The following TBC1D5 variants were observed in gnomAD, a reference collection of about 807,000 sequenced individuals.
TBC1D5 encodes TBC1 domain family, member 5.
Under a neutral mutation model 100.3 loss-of-function variants are expected in TBC1D5, and 75 were observed. That is an observed-to-expected ratio of 0.75 (90% CI 0.62 to 0.91). The LOEUF is 0.91. Among genes scored for constraint, TBC1D5 ranks in the 40% least tolerant of loss-of-function variants. TBC1D5 has a pLI of 0.00. For missense variants in TBC1D5, 910 were observed against 942.4 expected, an observed-to-expected ratio of 0.97 and a Z score of 0.45; for synonymous variants, 323 against 325.6, an observed-to-expected ratio of 0.99 and a Z score of 0.09.
intron 2 of TBC1D5, among the ~76,000 whole-genome samples, chr3:17,617,291 C>A (rs1283771503): frequency 6.6e-6 from 1 of 152,200 alleles, no homozygotes. Flanking sequence ...GGTAACTCGA[C>A]CTTTCTGTCT....
intron 3 of TBC1D5, among the ~76,000 whole-genome samples, chr3:17,491,667 T>C (rs956312137): frequency 6.6e-6 from 1 of 152,174 alleles, no homozygotes. Flanking sequence ...GACTTGATAA[T>C]GGTGGATAAA....
chr3:17,226,540 C>G (rs1017094858), intron 17 of TBC1D5, among the ~76,000 whole-genome samples: 1 of 152,046 alleles, frequency 6.6e-6, no homozygotes, highest in Non-Finnish European at 1.5e-5. Context: ...AGCTTCCTTG[C>G]CCAAGGTCAT....
chr3:17,602,125 C>G (rs547243357), intron 2 of TBC1D5, among the ~76,000 whole-genome samples: 39 of 152,314 alleles, frequency 2.6e-4, no homozygotes, highest in African/African-American at 8.7e-4. Context: ...GCCATTGCGC[C>G]CGGCCAATAA....
At chr3:17,300,766 A>G (rs1379235054) in intron 14 of TBC1D5, among the ~76,000 whole-genome samples, 1 of 152,162 alleles carries the variant, frequency 6.6e-6, no homozygotes, top group East Asian at 1.9e-4. Flanking sequence ...TATTTGAGAA[A>G]TACTTTCTTT....
chr3:17,612,777 A>C (rs2061780995), intron 2 of TBC1D5, among the ~76,000 whole-genome samples: 1 of 152,142 alleles, frequency 6.6e-6, no homozygotes, highest in Non-Finnish European at 1.5e-5. Context: ...CTCAATAAAC[A>C]AAAGAATTCA....
intron 1 of TBC1D5, among the ~76,000 whole-genome samples, chr3:17,665,952 GAA>G (rs1424116587): frequency 6.6e-6 from 1 of 152,082 alleles, no homozygotes; most frequent in African/African-American, 2.4e-5. Context: ...TTTCCAACTA[GAA>G]AAGTTTCCAA....
At chr3:17,556,715 T>C (rs2096524528) in intron 2 of TBC1D5, among the ~76,000 whole-genome samples, 1 of 152,230 alleles carries the variant, frequency 6.6e-6, no homozygotes, top group African/African-American at 2.4e-5. Context: ...AATATAATTA[T>C]TTTTATTAAC....
chr3:17,384,315 T>C (rs567466839), intron 8 of TBC1D5, among the ~76,000 whole-genome samples: 4 of 152,214 alleles, frequency 2.6e-5, no homozygotes, highest in African/African-American at 9.6e-5. Context: ...TGTCTGCAGA[T>C]GGGGAGTTGC....
rs185793980 is a variant in TBC1D5, at chr3:17,639,776, G to A, written c.-100-15863C>T. Among the ~76,000 whole-genome samples, 4 of 152,156 alleles carry A rather than the reference G, an allele frequency of 2.6e-5. No homozygotes were observed. The East Asian group carries it at 7.7e-4, about 29-fold the overall frequency. On this transcript the variant is annotated intron_variant, in intron 1 of 21. Transcript: ENST00000253692. ...TCTTAGACTACATCAAATCCTAGAC[G>A]TGAAGGAAAAACAGGTACAGAACTT...
chr3:17,454,932 GACAACA>G (rs371296696), intron 3 of TBC1D5, among the ~76,000 whole-genome samples: 14 of 151,578 alleles, frequency 9.2e-5, no homozygotes, highest in East Asian at 1.9e-4. Context: ...AACTGAAGAG[GACAACA>G]ACAACAACAA....
intron 1 of TBC1D5, among the ~76,000 whole-genome samples, chr3:17,688,093 A>G (rs2070574647): frequency 6.6e-6 from 1 of 152,206 alleles, no homozygotes; most frequent in Admixed American, 6.5e-5. Flanking sequence ...ATCGAATGCT[A>G]TGATTTCACT....
At chr3:17,680,705 T>A (rs1201603146) in intron 1 of TBC1D5, among the ~76,000 whole-genome samples, 1 of 151,444 alleles carries the variant, frequency 6.6e-6, no homozygotes. Context: ...ATATCAGTAC[T>A]AAGATGGTCA....
chr3:17,489,552 A>T (rs1275061443), intron 3 of TBC1D5, among the ~76,000 whole-genome samples: 2 of 152,096 alleles, frequency 1.3e-5, no homozygotes, highest in African/African-American at 4.8e-5. Context: ...CTCATTGTTC[A>T]ACTCCCACTG....
intron 17 of TBC1D5, among the ~76,000 whole-genome samples, chr3:17,221,203 A>AT (rs35417636): frequency 0.47 from 71,290 of 151,846 alleles, 18,067 homozygotes; most frequent in African/African-American, 0.62. Flanking sequence ...TGCAGGTGTG[A>AT]TAAGGTTAAG....
intron 2 of TBC1D5, among the ~76,000 whole-genome samples, chr3:17,566,579 A>C (rs1169406363): frequency 6.6e-6 from 1 of 151,936 alleles, no homozygotes; most frequent in Non-Finnish European, 1.5e-5. Flanking sequence ...ATAGTAACAC[A>C]AACCAAAGCT....
chr3:17,615,755 C>T (rs2062092658), intron 2 of TBC1D5, among the ~76,000 whole-genome samples: 1 of 152,154 alleles, frequency 6.6e-6, no homozygotes, highest in South Asian at 2.1e-4. Flanking sequence ...CTTTTGACTG[C>T]ATCTATTTGA....
Position 17,523,486 on chromosome 3 carries a change from T to C in TBC1D5, c.-35-14881A>G, listed in dbSNP as rs143776816. 2.4e-3 allele frequency among the ~76,000 whole-genome samples: 369 copies of C among 152,184 alleles called. 3 individuals carry two copies. The highest frequency in any genetic ancestry group is 6.0e-3 in the Admixed American group (92 of 15,278). On this transcript the variant is annotated intron_variant, in intron 2 of 21. Coordinates refer to ENST00000253692, the Ensembl canonical transcript of TBC1D5. ...AAAAGACTTTATGGAGAAGGGAATA[T>C]CTAGGACAGGCTTTGAAGAAATAGT...
At chr3:17,734,980 C>G (rs994782533) in intron 1 of TBC1D5, among the ~76,000 whole-genome samples, 1 of 152,046 alleles carries the variant, frequency 6.6e-6, no homozygotes. Context: ...GTGGTCTCAG[C>G]TACTCAGAAG....
rs375831583 is a variant in TBC1D5, at chr3:17,259,715, G to C, written c.1246-1124C>G. Among the ~76,000 whole-genome samples the C allele has an allele frequency of 4.6e-5, 7 of 151,868 alleles. No homozygotes were observed. The East Asian group carries it at 7.7e-4, about 17-fold the overall frequency. On this transcript the variant is annotated intron_variant, in intron 15 of 21. Transcript: ENST00000253692. Reference sequence around the variant, plus strand: ...CTGATACACTTGCATGCAGGCACGGGGGGGGTTGCGGGGGGATATAATTGC... The same window carrying C: ...CTGATACACTTGCATGCAGGCACGGCGGGGGTTGCGGGGGGATATAATTGC...
Sources: gnomAD v4.1 joint callset for allele counts (sites outside exome capture counted in the v4.1 genomes callset) on GRCh38, gnomAD v4.1.1 for gene constraint, MANE v1.5 for transcripts, NCBI Gene and HGNC (gene_info 2026-07-23, HGNC 2026-07-21) for gene names.